Variants in UQCC4 observed in about 807,000 individuals in gnomAD.
UQCC4 encodes ubiquinol-cytochrome c reductase complex assembly factor 4.
chr16:1,420,242 C>G, the UQCC4 span: 4 of 1,613,372 alleles, frequency 2.5e-6, no homozygotes, highest in South Asian at 1.1e-5. Flanking sequence ...CAGCGGGCAC[C>G]CCGTCAAGTT....
chr16:1,420,417 C>A, the UQCC4 span: 3 of 1,614,170 alleles, frequency 1.9e-6, no homozygotes, highest in Non-Finnish European at 2.5e-6. Context: ...GCACCTTCCA[C>A]CAGGGCCGCT....
the UQCC4 span, chr16:1,419,995 C>G: frequency 1.3e-6 from 2 of 1,598,078 alleles, no homozygotes; most frequent in Admixed American, 3.4e-5. Flanking sequence ...CAACTGAAAC[C>G]TTCCCCAAGG....
chr16:1,420,325 T>G, the UQCC4 span: 2 of 1,614,160 alleles, frequency 1.2e-6, no homozygotes, highest in Non-Finnish European at 1.7e-6. Context: ...TCCCCACACC[T>G]GTCTCAACCA....
At chr16:1,420,383 C>A in the UQCC4 span, 1 of 1,614,140 alleles carries the variant, frequency 6.2e-7, no homozygotes, top group African/African-American at 1.3e-5. Flanking sequence ...ATGATCAGCG[C>A]CACGAGGAAG....
At chr16:1,420,716 C>G in the UQCC4 span, 37 of 1,540,744 alleles carry the variant, frequency 2.4e-5, 1 homozygote, top group East Asian at 7.8e-4. Context: ...ACACAAGACA[C>G]GATTCATTGC....
chr16:1,420,056 GAGCA>G, the UQCC4 span: 3 of 1,612,476 alleles, frequency 1.9e-6, no homozygotes, highest in Non-Finnish European at 2.5e-6. Context: ...GCCAGGCGAG[GAGCA>G]GTTTCCGATC....
chr16:1,420,700 C>T, the UQCC4 span: 8 of 1,544,110 alleles, frequency 5.2e-6, no homozygotes, highest in South Asian at 9.5e-5. Flanking sequence ...ACCCGGCCGC[C>T]GGGGCACACA....
chr16:1,419,975 G>A, the UQCC4 span: 2 of 1,579,666 alleles, frequency 1.3e-6, no homozygotes, highest in African/African-American at 1.3e-5. Flanking sequence ...AAATCCAACA[G>A]CATACAGTGC....
At chr16:1,419,842 TAC>T in the UQCC4 span, 230 of 1,276,588 alleles carry the variant, frequency 1.8e-4, no homozygotes, top group African/African-American at 3.2e-3. Flanking sequence ...CAGCATGCAA[TAC>T]AGTTTCACAC....
At chr16:1,420,106 A>G in the UQCC4 span, 3 of 1,613,326 alleles carry the variant, frequency 1.9e-6, no homozygotes, top group Non-Finnish European at 2.5e-6. Context: ...GCGAATCAGC[A>G]TAGCCAAGTG....
chr16:1,420,380 G>A, the UQCC4 span: 40 of 1,614,140 alleles, frequency 2.5e-5, 1 homozygote, highest in Admixed American at 6.0e-4. Flanking sequence ...CAGATGATCA[G>A]CGCCACGAGG....
chr16:1,420,366 G>A, the UQCC4 span: 17 of 1,614,120 alleles, frequency 1.1e-5, 1 homozygote, highest in South Asian at 1.8e-4. Flanking sequence ...CCCTCAGGTA[G>A]CACCAGATGA....
At chr16:1,420,570 G>A in the UQCC4 span, 2 of 1,608,852 alleles carry the variant, frequency 1.2e-6, no homozygotes, top group South Asian at 2.2e-5. Context: ...ACGGATGAAG[G>A]CTTCGGGAAG....
chr16:1,419,875 C>G, the UQCC4 span: 8 of 1,360,656 alleles, frequency 5.9e-6, no homozygotes, highest in Non-Finnish European at 7.8e-6. Flanking sequence ...TATTCTATCT[C>G]AGAAAGCAAA....
the UQCC4 span, chr16:1,420,309 C>T: frequency 1.9e-6 from 3 of 1,614,182 alleles, no homozygotes; most frequent in Non-Finnish European, 2.5e-6. Flanking sequence ...TGGGCTCTGG[C>T]ACCTCTCCCC....
At chr16:1,420,608 CG>C in the UQCC4 span, 1 of 1,573,388 alleles carries the variant, frequency 6.4e-7, no homozygotes, top group Non-Finnish European at 8.6e-7. Flanking sequence ...AGCGCCCGGA[CG>C]GCCCTGGAAG....
chr16:1,420,700 C>CG, the UQCC4 span: 7 of 1,543,992 alleles, frequency 4.5e-6, no homozygotes, highest in Non-Finnish European at 6.1e-6. Context: ...ACCCGGCCGC[C>CG]GGGGCACACA....
At chr16:1,420,111 C>T in the UQCC4 span, 4 of 1,613,384 alleles carry the variant, frequency 2.5e-6, no homozygotes, top group Middle Eastern at 1.6e-4. Context: ...TCAGCATAGC[C>T]AAGTGCCCCA....
chr16:1,420,216 C>T, the UQCC4 span: 5 of 1,613,730 alleles, frequency 3.1e-6, no homozygotes, highest in Non-Finnish European at 4.2e-6. Context: ...GCTGTCGGCT[C>T]CCTTCCTGCC....
Sources: allele counts gnomAD v4.1 joint callset, GRCh38; gene constraint gnomAD v4.1.1; transcripts MANE v1.5; gene names NCBI Gene and HGNC (gene_info 2026-07-23, HGNC 2026-07-21).